The following TRIO variants were observed in gnomAD, a reference collection of about 807,000 sequenced individuals.
TRIO encodes the protein trio Rho guanine nucleotide exchange factor.
Under a neutral mutation model 351.9 loss-of-function variants are expected in TRIO, and 58 were observed. That is an observed-to-expected ratio of 0.16 (90% confidence interval 0.13 to 0.21). The LOEUF (loss-of-function observed/expected upper bound fraction) is 0.21. Ranked by LOEUF, TRIO falls within the 10% of genes least tolerant of loss-of-function variation. The probability of loss-of-function intolerance (pLI) is 1.00; values close to 1 mark genes in which losing one functional copy is unlikely to be tolerated. For missense variants in TRIO, 3,201 were observed against 4,027.8 expected (o/e 0.79, Z 5.56); for synonymous variants, 1,758 against 1,595.7 (o/e 1.10, Z -2.42).
intron 1 of TRIO, among the ~76,000 whole-genome samples, chr5:14,176,023 G>C (rs1227162151): frequency 1.3e-5 from 2 of 152,320 alleles, no homozygotes; most frequent in Middle Eastern, 3.4e-3. Flanking sequence ...CCTTAGAAAA[G>C]CCAGGCAGGG....
intron 9 of TRIO, among the ~76,000 whole-genome samples, chr5:14,329,380 C>G (rs186928364): frequency 2.0e-5 from 3 of 152,252 alleles, no homozygotes; most frequent in East Asian, 3.8e-4. Flanking sequence ...GGGCTTCACC[C>G]TTGTGAATAG....
At chr5:14,287,263 A>G (rs1736530609) in intron 4 of TRIO, among the ~76,000 whole-genome samples, 200 bp downstream of exon 4, 1 of 152,236 alleles carries the variant, frequency 6.6e-6, no homozygotes, top group Non-Finnish European at 1.5e-5. Flanking sequence ...TTTTACCCAC[A>G]TGGGCTTAGG....
intron 2 of TRIO, among the ~76,000 whole-genome samples, chr5:14,274,059 T>TA (rs1346471901): frequency 1.3e-5 from 2 of 152,180 alleles, no homozygotes; most frequent in Non-Finnish European, 2.9e-5. Flanking sequence ...GTAAATGTTA[T>TA]AAAAAACCGC....
intron 55 of TRIO, among the ~76,000 whole-genome samples, chr5:14,504,988 C>T (rs1041455078): frequency 6.6e-6 from 1 of 152,210 alleles, no homozygotes; most frequent in East Asian, 1.9e-4. Context: ...CACCCCGGAT[C>T]AGCGGGGTGC....
intron 8 of TRIO, among the ~76,000 whole-genome samples, chr5:14,308,759 A>ATCC (rs1738628907): frequency 8.4e-6 from 1 of 118,884 alleles, no homozygotes; most frequent in Non-Finnish European, 1.7e-5. Flanking sequence ...CCATCCATCC[A>ATCC]ATTACCCATC....
chr5:14,225,517 G>A (rs1581390729), intron 1 of TRIO, among the ~76,000 whole-genome samples: 1 of 152,100 alleles, frequency 6.6e-6, no homozygotes, highest in East Asian at 1.9e-4. Flanking sequence ...CTTCACTGTG[G>A]TTGTAGGACT....
chr5:14,431,020 G>T (rs1160006719), intron 34 of TRIO, among the ~76,000 whole-genome samples: 1 of 152,186 alleles, frequency 6.6e-6, no homozygotes, highest in East Asian at 1.9e-4. Flanking sequence ...CCTGAATTTT[G>T]AATAAGACAG....
intron 3 of TRIO, among the ~76,000 whole-genome samples, chr5:14,283,777 A>G (rs146498449): frequency 6.6e-6 from 1 of 152,000 alleles, no homozygotes; most frequent in East Asian, 1.9e-4. Flanking sequence ...CAAACAAACA[A>G]ACAAACAATT....
chr5:14,326,148 A>G (rs1740364797), intron 9 of TRIO, among the ~76,000 whole-genome samples: 2 of 152,212 alleles, frequency 1.3e-5, no homozygotes, highest in Non-Finnish European at 2.9e-5. Context: ...GTAAGAGGAT[A>G]GGGATCGCCC....
chr5:14,487,112 C>T (rs1755971962), intron 47 of TRIO, among the ~76,000 whole-genome samples: 1 of 152,152 alleles, frequency 6.6e-6, no homozygotes, highest in Admixed American at 6.5e-5. Flanking sequence ...ACGGCAGCCC[C>T]AGGGTTTCTT....
Position 14,364,774 on chromosome 5 carries a change from G to A in TRIO, c.2712G>A (p.Glu904=). The change falls in exon 15 of 57, where the codon GAG becomes GAA. Residue 904 remains glutamate (E), a synonymous_variant. Transcript: ENST00000344204. Reference sequence around the variant, plus strand: ...CAGAGCAGCATCGGAAACACCTGGAGCAGTGCGTGCAGCTGCGCCACCTGC... The same window carrying A: ...CAGAGCAGCATCGGAAACACCTGGAACAGTGCGTGCAGCTGCGCCACCTGC... ...LAAEQHRKHL[E]QCVQLRHLQA... The A allele has an allele frequency of 6.2e-7, 1 of 1,612,146 alleles. No individual in the cohort carries two copies. Among genetic ancestry groups the A allele is most frequent in the Non-Finnish European group, 8.5e-7 (1 of 1,179,950 alleles).
intron 31 of TRIO, among the ~76,000 whole-genome samples, chr5:14,402,694 A>T (rs1748182920): frequency 6.6e-6 from 1 of 151,096 alleles, no homozygotes; most frequent in Admixed American, 6.6e-5. Context: ...AGATTTGGTG[A>T]TGGGGGTATG....
intron 33 of TRIO, among the ~76,000 whole-genome samples, chr5:14,408,067 C>T (rs906304173): frequency 1.3e-5 from 2 of 152,204 alleles, no homozygotes; most frequent in South Asian, 4.1e-4. Flanking sequence ...ACATCATTTC[C>T]GCAGCCCACT....
chr5:14,455,608 A>G (rs910035504), intron 34 of TRIO, among the ~76,000 whole-genome samples: 26 of 150,350 alleles, frequency 1.7e-4, no homozygotes, highest in African/African-American at 6.1e-4. Flanking sequence ...GCATTTACAA[A>G]CCTTGAGCTA....
chr5:14,182,229 G>T (rs1044323498), intron 1 of TRIO, among the ~76,000 whole-genome samples: 13 of 152,116 alleles, frequency 8.5e-5, no homozygotes, highest in Non-Finnish European at 1.5e-4. Flanking sequence ...GAAGGACCCC[G>T]GCTCTGCTGT....
chr5:14,454,079 G>A (rs1282506294), intron 34 of TRIO, among the ~76,000 whole-genome samples: 5 of 152,116 alleles, frequency 3.3e-5, no homozygotes, highest in African/African-American at 9.6e-5. Flanking sequence ...ACAGGCATGC[G>A]ACACGATGCC....
intron 1 of TRIO, among the ~76,000 whole-genome samples, chr5:14,260,065 A>G (rs1434141441): frequency 2.0e-5 from 3 of 152,236 alleles, no homozygotes; most frequent in African/African-American, 7.2e-5. Context: ...TTAGAACATC[A>G]CAGTATTAAT....
At chr5:14,441,093 A>C (rs1752001123) in intron 34 of TRIO, 3 of 152,514 alleles carry the variant, frequency 2.0e-5, no homozygotes. Context: ...ACACGCTGCC[A>C]GTCTGTGTGC....
chr5:14,156,409 G>A lies in TRIO; in HGVS notation c.157+12527G>A, dbSNP rs374190051. 7.2e-5 allele frequency among the ~76,000 whole-genome samples: 11 copies of A among 152,142 alleles called. No individual in the cohort carries two copies. In the South Asian group the frequency reaches 2.3e-3, roughly 32 times the overall value. The stretch of plus-strand genomic sequence containing the variant: ...GCCTCTCAGTAGACAGAGCTAAGAA[G>A]TGTATGCGTGTATGTGTGTGTATGT... On this transcript the variant is annotated intron_variant, in intron 1 of 56. Transcript: ENST00000344204.
Sources: allele counts gnomAD v4.1 joint callset (sites outside exome capture counted in the v4.1 genomes callset), GRCh38; gene constraint gnomAD v4.1.1; transcripts MANE v1.5; gene names NCBI Gene and HGNC (gene_info 2026-07-23, HGNC 2026-07-21).